Variants in RBFA observed in about 807,000 individuals in gnomAD.
The protein encoded by RBFA is ribosome binding factor A.
In RBFA, 16 loss-of-function variants were observed where a neutral mutation model predicts 27.9. That is an observed-to-expected ratio of 0.57 (90% CI 0.39 to 0.87). The LOEUF (loss-of-function observed/expected upper bound fraction) is 0.87, where lower values mean the gene tolerates loss of function less well. RBFA is among the 40% of genes least tolerant of loss of function. The probability of loss-of-function intolerance (pLI) is 0.00; values close to 1 mark genes in which losing one functional copy is unlikely to be tolerated. For missense variants in RBFA, 456 were observed against 432.1 expected, an observed-to-expected ratio of 1.06 and a Z score of -0.49; for synonymous variants, 181 against 181.0, an observed-to-expected ratio of 1.00 and a Z score of 0.00.
At chr18:80,040,837 G>A (rs992896978) in intron 4 of RBFA, among the ~76,000 whole-genome samples, 2 of 152,176 alleles carry the variant, frequency 1.3e-5, no homozygotes, top group South Asian at 4.1e-4. Context: ...ATGCTCTTTG[G>A]GATCTTCAGT....
At chr18:80,041,646 G>A (rs1343474259) in intron 4 of RBFA, 1 of 152,124 alleles carries the variant, frequency 6.6e-6, no homozygotes, top group African/African-American at 2.4e-5. Context: ...TTTTGATGTG[G>A]TAGTTGACTA....
chr18:80,039,135 C>T (rs996235966), intron 4 of RBFA, among the ~76,000 whole-genome samples: 2 of 152,186 alleles, frequency 1.3e-5, no homozygotes, highest in Non-Finnish European at 2.9e-5. Flanking sequence ...GGCAAGATGG[C>T]GAGACCCTGT....
chr18:80,044,156 G>A (rs2145148738), intron 5 of RBFA, 56 bp from the exon 6 acceptor site: 2 of 1,444,926 alleles, frequency 1.4e-6, no homozygotes, highest in South Asian at 2.3e-5. Flanking sequence ...GAGCCCGGCT[G>A]TAAGTATGGT....
Position 80,049,143 on chromosome 18 carries a change from C to A in RBFA, c.*2988C>A, listed in dbSNP as rs1223121686. 6.6e-6 allele frequency among the ~76,000 whole-genome samples: 1 copy of A among 152,152 alleles called. No individual in the cohort carries two copies. The highest frequency in any genetic ancestry group is 1.5e-5 in the Non-Finnish European group (1 of 68,024). On this transcript the variant is annotated 3_prime_UTR_variant, in exon 7 of 7. Transcript: ENST00000306735. ...CACCCGCTTCTGAATGGGTCCACTC[C>A]TGGGGATTTCCGCGGCCTTCCCTGG...
At chr18:80,037,638 CT>C in intron 3 of RBFA, 132 bp downstream of exon 3, 1 of 682,944 alleles carries the variant, frequency 1.5e-6, no homozygotes, top group Admixed American at 3.2e-5. Context: ...GCCTGTAATC[CT>C]AGCACTTTGG....
intron 3 of RBFA, among the ~76,000 whole-genome samples, chr18:80,037,985 A>G (rs1310959139): frequency 6.6e-6 from 1 of 152,188 alleles, no homozygotes. Context: ...CCCTGGAGAC[A>G]GATGGTGAGT....
chr18:80,034,608 C>T lies in RBFA; in HGVS notation c.113C>T (p.Ala38Val), dbSNP rs757188635. The part of the protein sequence containing the change: ...PGCERGLHCS[A>V]VSCKNWLKKF... ...TGCGAGCGGGGACTTCACTGCTCTG[C>T]TGTCTCCTGCAAGAACTGGCTCAAG... is the stretch of plus-strand genomic sequence containing the variant. Residue 38 changes from alanine to valine, a missense_variant, in exon 1 of 7, where the codon GCT (alanine) becomes GTT (valine). Physicochemically the swap from Ala to Val is moderately conservative, Grantham distance 64 (BLOSUM62 0). Coordinates refer to ENST00000306735, the MANE Select transcript of RBFA (RefSeq NM_024805.3). 1.2e-6 allele frequency: 2 copies of T among 1,609,366 alleles called. No individual in the cohort carries two copies. Among genetic ancestry groups the T allele is most frequent in the Admixed American group, 1.7e-5 (1 of 59,102 alleles).
In RBFA at chr18:80,048,347, C is replaced by G. The variant is rs1481167165; in HGVS notation, c.*2192C>G. ...GCTTTGTGTTAACCTGCCCCCCGCC[C>G]CCTAACTTGGGAAAGGTGTTAAAGA... On this transcript the variant is annotated 3_prime_UTR_variant, in exon 7 of 7. Coordinates refer to ENST00000306735, the MANE Select transcript of RBFA (RefSeq NM_024805.3). Among the ~76,000 whole-genome samples the G allele has an allele frequency of 1.3e-5, 2 of 152,162 alleles. No individual in the cohort carries two copies. Among genetic ancestry groups the G allele is most frequent in the South Asian group, 2.1e-4 (1 of 4,830 alleles).
chr18:80,037,342 T>C lies in RBFA; in HGVS notation c.214T>C (p.Ser72Pro), dbSNP rs1000309384. The change falls in exon 3 of 7, where the codon TCC becomes CCC. Residue 72 changes from serine (S) to proline (P), a missense_variant. Physicochemically the swap from Ser to Pro is moderately conservative, Grantham distance 74 (BLOSUM62 -1). Transcript: ENST00000306735. ...CTTCCTGATGGAGACTTACAAACCA[T>C]CCAAGTTGGAATTCCTCATGAGGAG... ...SLGSHSTYKP[S>P]KLEFLMRSTS... 2.5e-6 allele frequency: 4 copies of C among 1,613,634 alleles called. No individual in the cohort carries two copies. Among genetic ancestry groups the C allele is most frequent in the Non-Finnish European group, 3.4e-6 (4 of 1,179,918 alleles).
rs1488282824 is a variant in RBFA, at chr18:80,048,776, T to C, written c.*2621T>C. ...AACCAGGCGCCGGCTCAGTGCCTCC[T>C]AGAAAGAGGAGTGTGGGCACGTTTG... On this transcript the variant is annotated 3_prime_UTR_variant, in exon 7 of 7. Coordinates refer to ENST00000306735, the MANE Select transcript of RBFA (RefSeq NM_024805.3). Among the ~76,000 whole-genome samples, 1 of 148,102 alleles carries C rather than the reference T, an allele frequency of 6.8e-6. No individual in the cohort carries two copies.
intron 1 of RBFA, chr18:80,034,871 T>C (rs1336660202): frequency 4.9e-5 from 25 of 507,806 alleles, no homozygotes; most frequent in Non-Finnish European, 3.4e-6. Flanking sequence ...TGACAATGTG[T>C]GTTTATTTTG....
At chr18:80,043,183 ATG>A (rs2052028116) in intron 5 of RBFA, among the ~76,000 whole-genome samples, 1 of 152,228 alleles carries the variant, frequency 6.6e-6, no homozygotes. Flanking sequence ...TTATTAAGAT[ATG>A]TTATACCTTC....
intron 4 of RBFA, among the ~76,000 whole-genome samples, chr18:80,039,476 C>T (rs1315234051): frequency 1.3e-5 from 2 of 152,184 alleles, no homozygotes; most frequent in Admixed American, 1.3e-4. Context: ...AACAGAAAAG[C>T]ATCAGTGAGC....
rs1004278942 is a variant in RBFA, at chr18:80,048,641, C to T, written c.*2486C>T. ...CCCCAGGCTGCTGCCCAGACCTCCA[C>T]GCCTGTGCCGGATGTGGTGTTGGCA... On this transcript the variant is annotated 3_prime_UTR_variant, in exon 7 of 7. Transcript: ENST00000306735. Among the ~76,000 whole-genome samples the T allele has an allele frequency of 5.3e-5, 8 of 152,242 alleles. No homozygotes were observed. In the East Asian group the frequency reaches 7.7e-4, roughly 15 times the overall value.
rs1356574707 is a variant in RBFA at position 80,050,107 on chromosome 18, G to C, written c.*3952G>C. On this transcript the variant is annotated 3_prime_UTR_variant, in exon 7 of 7. Transcript: ENST00000306735. ...CCTGGTTTTACATCAGAAACTTGAG[G>C]TACTTTGAAAATTTGCCAGCTGCCT... Among the ~76,000 whole-genome samples the C allele has an allele frequency of 6.6e-6, 1 of 152,178 alleles. No homozygotes were observed. Among genetic ancestry groups the C allele is most frequent in the East Asian group, 1.9e-4 (1 of 5,188 alleles).
At chr18:80,040,132 T>G (rs2052006739) in intron 4 of RBFA, among the ~76,000 whole-genome samples, 1 of 152,030 alleles carries the variant, frequency 6.6e-6, no homozygotes, top group Non-Finnish European at 1.5e-5. Flanking sequence ...CCGGGACAAC[T>G]GACCTTTAAT....
At chr18:80,034,696 G>C (rs767505428) in intron 1 of RBFA, 43 bp downstream of exon 1, 5 of 1,590,676 alleles carry the variant, frequency 3.1e-6, no homozygotes, top group Admixed American at 1.8e-5. Flanking sequence ...GTATTCCCTA[G>C]GGGGCGGTGT....
Position 80,046,323 on chromosome 18 carries a change from G to GC in RBFA, c.*168_*169insC. The GC allele has an allele frequency of 1.4e-6, 1 of 729,222 alleles. No homozygotes were observed. Among genetic ancestry groups the GC allele is most frequent in the Non-Finnish European group, 2.2e-6 (1 of 456,816 alleles). The allele number at this position is 729,222 out of a possible 1,614,324, so 45.2% of individuals were successfully genotyped here. ...AACACAATTTGCTACACAAGTCACT[G>GC]TTTTTTTTTCCATGCACTGTGTGTA... On this transcript the variant is annotated 3_prime_UTR_variant, in exon 7 of 7. Coordinates refer to ENST00000306735, the MANE Select transcript of RBFA (RefSeq NM_024805.3).
intron 4 of RBFA, among the ~76,000 whole-genome samples, chr18:80,040,239 AT>A (rs71338083): frequency 0.08 from 7,348 of 91,622 alleles, 197 homozygotes; most frequent in Middle Eastern, 0.18. Context: ...GGAGGCCTGA[AT>A]TTTTTTTTTT....
Sources: allele counts gnomAD v4.1 joint callset (sites outside exome capture counted in the v4.1 genomes callset), GRCh38; gene constraint gnomAD v4.1.1; transcripts MANE v1.5; gene names NCBI Gene and HGNC (gene_info 2026-07-23, HGNC 2026-07-21).